Variants in SLC22A24 observed in about 807,000 individuals in gnomAD.
The protein encoded by SLC22A24 is steroid transmembrane transporter SLC22A24.
A neutral mutation model predicts 49.8 loss-of-function variants in SLC22A24; 53 were observed. The observed-to-expected ratio is 1.06, with a 90% CI of 0.85 to 1.34. The LOEUF is 1.34. Ranked by LOEUF, SLC22A24 falls within the 40% of genes most tolerant of loss-of-function variation. SLC22A24 has a pLI of 0.00. For missense variants in SLC22A24, 786 were observed against 675.9 expected (o/e 1.16, Z -1.81); for synonymous variants, 302 against 256.4 (o/e 1.18, Z -1.70).
At chr11:63,083,215 T>C in intron 7 of SLC22A24, 28 bp downstream of exon 7, 1 of 1,532,628 alleles carries the variant, frequency 6.5e-7, no homozygotes, top group Non-Finnish European at 8.8e-7. Context: ...GTAACTACTT[T>C]CTTTCCTGAA....
At chr11:63,122,756 G>T (rs1027341278) in intron 2 of SLC22A24, among the ~76,000 whole-genome samples, 1 of 152,062 alleles carries the variant, frequency 6.6e-6, no homozygotes, top group Non-Finnish European at 1.5e-5. Context: ...TCCTGACTTC[G>T]TGATCCGCTA....
At chr11:63,108,761 G>A (rs966748328) in intron 4 of SLC22A24, among the ~76,000 whole-genome samples, 5 of 151,168 alleles carry the variant, frequency 3.3e-5, no homozygotes, top group Admixed American at 3.3e-4. Flanking sequence ...ATGCATTTCT[G>A]TGGGATCAGT....
intron 2 of SLC22A24, among the ~76,000 whole-genome samples, chr11:63,125,883 T>A (rs1252078229): frequency 6.6e-6 from 1 of 152,220 alleles, no homozygotes; most frequent in East Asian, 1.9e-4. Flanking sequence ...CATTGTGGTT[T>A]TGATTTGCAT....
At chr11:63,129,790 G>T (rs1357396206) in intron 2 of SLC22A24, among the ~76,000 whole-genome samples, 3 of 152,104 alleles carry the variant, frequency 2.0e-5, no homozygotes, top group African/African-American at 4.8e-5. Flanking sequence ...TCTGTTATTG[G>T]TGTGTAGCAA....
chr11:63,098,903 A>C (rs1392503082), intron 5 of SLC22A24, among the ~76,000 whole-genome samples: 1 of 152,164 alleles, frequency 6.6e-6, no homozygotes, highest in South Asian at 2.1e-4. Context: ...AGAAGACTCA[A>C]ATAAAATCAG....
At chr11:63,141,380 T>C (rs2087414715) in intron 1 of SLC22A24, among the ~76,000 whole-genome samples, 1 of 152,226 alleles carries the variant, frequency 6.6e-6, no homozygotes, top group South Asian at 2.1e-4. Context: ...GCTATCTTCG[T>C]TGGGTTTTGT....
intron 4 of SLC22A24, chr11:63,118,451 C>T (rs1463465632): frequency 5.5e-6 from 1 of 181,852 alleles, no homozygotes; most frequent in Non-Finnish European, 1.1e-5. Context: ...TTTGGAGATC[C>T]TACTCTGTCA....
intron 4 of SLC22A24, among the ~76,000 whole-genome samples, chr11:63,112,449 G>A (rs4459313): frequency 0.028 from 4,323 of 152,162 alleles, 192 homozygotes; most frequent in African/African-American, 0.099. Flanking sequence ...TGATAGTGGG[G>A]TGTTAAAGTC....
intron 6 of SLC22A24, among the ~76,000 whole-genome samples, chr11:63,090,067 C>T (rs1167291811): frequency 7.2e-5 from 7 of 96,786 alleles, no homozygotes; most frequent in South Asian, 4.0e-4. Flanking sequence ...GACGACAGAA[C>T]GAGACTCTGT....
chr11:63,092,973 CA>C (rs2087030098), intron 6 of SLC22A24, among the ~76,000 whole-genome samples: 1 of 152,066 alleles, frequency 6.6e-6, no homozygotes, highest in African/African-American at 2.4e-5. Context: ...CCAGAATCTA[CA>C]AGAACCTTAA....
At chr11:63,118,678 GA>G (rs1163725353) in intron 4 of SLC22A24, 6 of 535,124 alleles carry the variant, frequency 1.1e-5, no homozygotes, top group Non-Finnish European at 1.7e-5. Context: ...TTTCTATTAA[GA>G]AAAATAATTT....
intron 6 of SLC22A24, among the ~76,000 whole-genome samples, chr11:63,094,867 G>C (rs939643824): frequency 6.6e-6 from 1 of 152,160 alleles, no homozygotes; most frequent in Non-Finnish European, 1.5e-5. Flanking sequence ...GTTCTTTGTA[G>C]ATTCTGGATA....
At chr11:63,081,437 G>C (rs532018592) in intron 8 of SLC22A24, 121 bp downstream of exon 8, 4 of 749,892 alleles carry the variant, frequency 5.3e-6, no homozygotes, top group South Asian at 5.0e-5. Flanking sequence ...CAGTTACTCT[G>C]TTCATTTCTA....
intron 1 of SLC22A24, among the ~76,000 whole-genome samples, chr11:63,136,613 G>C (rs574777500): frequency 2.0e-5 from 3 of 152,184 alleles, no homozygotes; most frequent in Non-Finnish European, 4.4e-5. Context: ...TGCACAGCTG[G>C]CTCTGCATGA....
At chr11:63,096,735 G>T (rs1374726532) in intron 5 of SLC22A24, among the ~76,000 whole-genome samples, 2 of 152,192 alleles carry the variant, frequency 1.3e-5, no homozygotes, top group Non-Finnish European at 1.5e-5. Context: ...AGTTGGGGAT[G>T]TGTTGGTGGA....
In SLC22A24 at chr11:63,098,852, GAT is replaced by G. The variant is rs541026089; in HGVS notation, c.955-2748_955-2747del. On this transcript the variant is annotated intron_variant, in intron 5 of 9. Coordinates refer to ENST00000612278, the MANE Select transcript of SLC22A24 (RefSeq NM_001136506.2). ...TGAACAAAAGCTGGCTTTTTGAAAA[GAT>G]AAACAAAATTGACAAACTTCTAGGC... Among the ~76,000 whole-genome samples the G allele has an allele frequency of 2.6e-5, 4 of 152,052 alleles. No homozygotes were observed. The East Asian group carries it at 5.8e-4, about 22-fold the overall frequency.
intron 6 of SLC22A24, among the ~76,000 whole-genome samples, chr11:63,086,385 T>A (rs2086987235): frequency 6.6e-6 from 1 of 152,086 alleles, no homozygotes; most frequent in African/African-American, 2.4e-5. Context: ...GTCCTTTGCA[T>A]CAACATAGAT....
chr11:63,087,024 G>GCGCACGCA (rs376936925), intron 6 of SLC22A24, among the ~76,000 whole-genome samples: 1 of 132,556 alleles, frequency 7.5e-6, no homozygotes, highest in Non-Finnish European at 1.5e-5. Context: ...CCTGGAGGGC[G>GCGCACGCA]CACACACACA....
At chr11:63,103,425 G>A (rs1178185452) in intron 5 of SLC22A24, among the ~76,000 whole-genome samples, 3 of 152,050 alleles carry the variant, frequency 2.0e-5, no homozygotes, top group Non-Finnish European at 2.9e-5. Context: ...TAATTTTTGT[G>A]TCCCATAGTA....
Sources: allele counts gnomAD v4.1 joint callset (sites outside exome capture counted in the v4.1 genomes callset), GRCh38; gene constraint gnomAD v4.1.1; transcripts MANE v1.5; gene names NCBI Gene and HGNC (gene_info 2026-07-23, HGNC 2026-07-21).